TRMT9B: variants seen among roughly 807,000 people sequenced by gnomAD.
The protein encoded by TRMT9B is tRNA methyltransferase 9B (putative).
Under a neutral mutation model 11.5 loss-of-function variants are expected in TRMT9B, and 16 were observed. That is an observed-to-expected ratio of 1.39 (90% CI 0.94 to 2.11). TRMT9B has a LOEUF of 2.11. TRMT9B is among the 30% of genes most tolerant of loss of function. The pLI, the probability that TRMT9B is intolerant of heterozygous loss-of-function variation, is 0.00. For synonymous variants in TRMT9B, 274 were observed against 192.4 expected (o/e 1.42, Z -3.51); for missense variants, 941 against 553.8 (o/e 1.70, Z -7.02).
chr8:12,955,845 G>A (rs1801234119), intron 1 of TRMT9B, among the ~76,000 whole-genome samples: 1 of 152,162 alleles, frequency 6.6e-6, no homozygotes, highest in African/African-American at 2.4e-5. Context: ...TGGCTCCCGG[G>A]CGGCAAGCTT....
intron 2 of TRMT9B, among the ~76,000 whole-genome samples, chr8:13,000,183 C>T (rs999771109): frequency 1.3e-5 from 2 of 152,150 alleles, no homozygotes; most frequent in African/African-American, 2.4e-5. Context: ...TGGAAAGCAA[C>T]ACAGTGGGGT....
intron 1 of TRMT9B, among the ~76,000 whole-genome samples, chr8:12,967,288 T>C (rs1319736147): frequency 1.3e-5 from 2 of 152,200 alleles, no homozygotes; most frequent in East Asian, 1.9e-4. Context: ...TGAAAGGTTT[T>C]AGGAACAAAT....
rs200803950 is a variant in TRMT9B, at chr8:13,021,934, G to C, written c.1255G>C (p.Glu419Gln). 25 of 1,613,620 alleles carry C rather than the reference G, an allele frequency of 1.5e-5. No individual in the cohort carries two copies. Residue 419 changes from glutamate (E) to glutamine (Q), a missense_variant, in exon 5 of 5, where the codon GAG (glutamate) becomes CAG (glutamine). Coordinates refer to ENST00000524591, the MANE Select transcript of TRMT9B (RefSeq NM_020844.3). ...MRYYHVFREG[E>Q]LCSLLKENVS... ...CTACTACCATGTGTTTCGAGAAGGG[G>C]AGCTCTGCAGTCTGCTCAAGGAGAA... is the stretch of plus-strand genomic sequence containing the variant.
At chr8:12,992,380 C>T (rs1585243772) in intron 2 of TRMT9B, among the ~76,000 whole-genome samples, 1 of 152,064 alleles carries the variant, frequency 6.6e-6, no homozygotes, top group Non-Finnish European at 1.5e-5. Context: ...TGGGGCCGGG[C>T]ACAGTGGCTC....
At chr8:13,006,173 A>G in intron 2 of TRMT9B, 29 bp from the exon 3 acceptor site, 3 of 1,610,544 alleles carry the variant, frequency 1.9e-6, no homozygotes, top group Non-Finnish European at 8.5e-7. Flanking sequence ...GCTGACCTGC[A>G]TGCCTTGGGT....
intron 4 of TRMT9B, among the ~76,000 whole-genome samples, chr8:13,017,904 G>A (rs1485973527): frequency 1.3e-5 from 2 of 151,828 alleles, no homozygotes; most frequent in Non-Finnish European, 2.9e-5. Flanking sequence ...AATTACAGGT[G>A]TGAGGCACCA....
At chr8:13,009,747 A>G (rs543771889) in intron 3 of TRMT9B, among the ~76,000 whole-genome samples, 1 of 152,222 alleles carries the variant, frequency 6.6e-6, no homozygotes, top group African/African-American at 2.4e-5. Flanking sequence ...AGAGCTACCC[A>G]GTATTAAAAC....
chr8:12,988,637 C>A (rs537311346), intron 1 of TRMT9B, among the ~76,000 whole-genome samples: 9 of 152,116 alleles, frequency 5.9e-5, no homozygotes, highest in Non-Finnish European at 1.0e-4. Flanking sequence ...ACCATCAGAT[C>A]TCTTGAGAAC....
rs531749868 is a variant in TRMT9B, at chr8:12,985,390, G to A, written c.-199-5444G>A. Among the ~76,000 whole-genome samples the A allele has an allele frequency of 1.4e-4, 21 of 152,244 alleles. 1 individual carries two copies. In the South Asian group the frequency reaches 2.1e-3, roughly 15 times the overall value. ...TATCATTAAGGAGTTCTGTGTAGAGGAGAAAATATTTATGAAGCTGTTTTA... is the reference window on the plus strand; with the variant it reads ...TATCATTAAGGAGTTCTGTGTAGAGAAGAAAATATTTATGAAGCTGTTTTA... On this transcript the variant is annotated intron_variant, in intron 1 of 4. Transcript: ENST00000524591.
At chr8:12,974,029 G>A (rs1346859557) in intron 1 of TRMT9B, among the ~76,000 whole-genome samples, 3 of 151,926 alleles carry the variant, frequency 2.0e-5, no homozygotes, top group Non-Finnish European at 4.4e-5. Flanking sequence ...TAAAAAGCTA[G>A]GCATAGTGGC....
chr8:12,965,288 T>C (rs1802663466), intron 1 of TRMT9B, among the ~76,000 whole-genome samples: 2 of 152,160 alleles, frequency 1.3e-5, no homozygotes, highest in South Asian at 4.1e-4. Context: ...TGGAGGGAAC[T>C]ACAAAATCCA....
At chr8:12,954,165 G>A (rs1217712628) in intron 1 of TRMT9B, among the ~76,000 whole-genome samples, 2 of 152,208 alleles carry the variant, frequency 1.3e-5, no homozygotes, top group African/African-American at 2.4e-5. Context: ...GATCTTCCCA[G>A]TAAATCTTAA....
chr8:12,981,014 G>C (rs1197470531), intron 1 of TRMT9B, among the ~76,000 whole-genome samples: 2 of 152,196 alleles, frequency 1.3e-5, no homozygotes, highest in African/African-American at 4.8e-5. Flanking sequence ...TAAGGAGCTT[G>C]TGCTGGAATA....
At chr8:13,004,701 C>T (rs1267694198) in intron 2 of TRMT9B, among the ~76,000 whole-genome samples, 1 of 152,058 alleles carries the variant, frequency 6.6e-6, no homozygotes, top group East Asian at 1.9e-4. Context: ...GGGTGAGACT[C>T]TGAGTCTTGC....
chr8:12,983,457 G>A (rs909015532), intron 1 of TRMT9B, among the ~76,000 whole-genome samples: 2 of 152,130 alleles, frequency 1.3e-5, no homozygotes, highest in African/African-American at 4.8e-5. Flanking sequence ...ATTACCTGAG[G>A]TCAGGAGTTT....
chr8:12,975,512 A>T (rs982350790), intron 1 of TRMT9B, among the ~76,000 whole-genome samples: 3 of 152,086 alleles, frequency 2.0e-5, no homozygotes, highest in Non-Finnish European at 4.4e-5. Context: ...TGAGGCAAGC[A>T]GATCACTTGA....
rs180946026 is a variant in TRMT9B at position 13,012,491 on chromosome 8, C to G, written c.155-193C>G. The G allele has an allele frequency of 1.2e-3, 789 of 679,198 alleles. 8 individuals are homozygous for G. The African/African-American group carries it at 0.013, about 11-fold the overall frequency. 42.1% of individuals were successfully genotyped at this position (679,198 alleles called of 1,614,324 possible). On this transcript the variant is annotated intron_variant, in intron 3 of 4. Transcript: ENST00000524591. ...TCGGGAGGCTAAGGCAAGAGAATTG[C>G]TTGAACCCGTGAGGCAGAGGTTGCA...
At chr8:13,020,935 G>C in intron 4 of TRMT9B, 73 bp from the exon 5 acceptor site, 1 of 998,924 alleles carries the variant, frequency 1.0e-6, no homozygotes, top group Middle Eastern at 2.6e-4. Flanking sequence ...TTGTTATATG[G>C]TAAACACCAG....
At chr8:12,970,533 G>A (rs137875477) in intron 1 of TRMT9B, among the ~76,000 whole-genome samples, 5 of 152,304 alleles carry the variant, frequency 3.3e-5, no homozygotes, top group African/African-American at 9.6e-5. Context: ...CCTTCTGGGC[G>A]GTCCTACAGA....
Sources: gnomAD v4.1 joint callset for allele counts (sites outside exome capture counted in the v4.1 genomes callset) on GRCh38, gnomAD v4.1.1 for gene constraint, MANE v1.5 for transcripts, NCBI Gene and HGNC (gene_info 2026-07-23, HGNC 2026-07-21) for gene names.